The following CFAP43 variants were observed in gnomAD, a reference collection of about 807,000 sequenced individuals.
CFAP43 encodes cilia- and flagella-associated protein 43.
CFAP43 carries 155 observed loss-of-function variants against 218.9 expected under a neutral mutation model. That is an observed-to-expected ratio of 0.71 (90% CI 0.62 to 0.81). The LOEUF is 0.81. Among genes scored for constraint, CFAP43 ranks in the 30% least tolerant of loss-of-function variants. CFAP43 has a pLI of 0.00. For synonymous variants in CFAP43, 645 were observed against 681.3 expected, an observed-to-expected ratio of 0.95 and a Z score of 0.83; for missense variants, 1,778 against 1,954.3, an observed-to-expected ratio of 0.91 and a Z score of 1.70.
chr10:104,205,851 A>G, intron 7 of CFAP43, 112 bp downstream of exon 7: 1 of 865,138 alleles, frequency 1.2e-6, no homozygotes, highest in South Asian at 1.6e-5. Flanking sequence ...CATTTTAATT[A>G]ATAATGTGAC....
intron 5 of CFAP43, among the ~76,000 whole-genome samples, chr10:104,210,764 T>C (rs560487517): frequency 1.0e-4 from 15 of 149,704 alleles, no homozygotes; most frequent in African/African-American, 3.7e-4. Flanking sequence ...CACATGCAGG[T>C]CCTTCCACGT....
intron 8 of CFAP43, among the ~76,000 whole-genome samples, chr10:104,202,324 G>A (rs1289366803): frequency 6.6e-6 from 1 of 152,018 alleles, no homozygotes; most frequent in East Asian, 1.9e-4. Context: ...TCTGTCTTTG[G>A]TTTTCAACAG....
chr10:104,194,533 C>T (rs1254515333), intron 10 of CFAP43, among the ~76,000 whole-genome samples: 8 of 152,088 alleles, frequency 5.3e-5, no homozygotes, highest in African/African-American at 1.9e-4. Context: ...CCACACCTGG[C>T]TTTTTAAAAC....
chr10:104,195,203 G>A (rs997830884), intron 10 of CFAP43, among the ~76,000 whole-genome samples: 1 of 152,160 alleles, frequency 6.6e-6, no homozygotes, highest in African/African-American at 2.4e-5. Context: ...CACAGTCCCG[G>A]ACGCAGGCAG....
At chr10:104,168,551 ACACGGGGACTGAG>A in intron 21 of CFAP43, among the ~76,000 whole-genome samples, 180 bp downstream of exon 21, 1 of 152,244 alleles carries the variant, frequency 6.6e-6, no homozygotes, top group Middle Eastern at 3.2e-3. Context: ...GCTGGGAAGC[ACACGGGGACTGAG>A]CACAGAGGGA....
In CFAP43 at chr10:104,207,795, G is replaced by T. The variant is rs1182423722; in HGVS notation, c.765C>A (p.His255Gln). Reference sequence around the variant, plus strand: ...TTGGAGTCCAGCAATGCATAGTCGGGTGAAGCAAAGGATATAGATCATCTT... The same window carrying T: ...TTGGAGTCCAGCAATGCATAGTCGGTTGAAGCAAAGGATATAGATCATCTT... ...RPKDDLYPLL[H>Q]PTMHCWTPTS... The change falls in exon 6 of 38, where the codon CAC becomes CAA. Residue 255 changes from histidine to glutamine, a missense_variant. Around this residue, in one of 3 missense-constraint regions of CFAP43, gnomAD observed 1,553 missense variants for 1,685.2 expected, o/e 0.92. Transcript: ENST00000357060. 1.2e-6 allele frequency: 2 copies of T among 1,613,842 alleles called. No individual in the cohort carries two copies. Among genetic ancestry groups the T allele is most frequent in the Non-Finnish European group, 1.7e-6 (2 of 1,179,928 alleles).
chr10:104,216,541 C>T (rs945424852), intron 3 of CFAP43, among the ~76,000 whole-genome samples: 2 of 152,142 alleles, frequency 1.3e-5, no homozygotes, highest in African/African-American at 4.8e-5. Flanking sequence ...CTCCTGGGGA[C>T]AATCACGACA....
chr10:104,213,768 C>T (rs1022292126), intron 4 of CFAP43, among the ~76,000 whole-genome samples: 14 of 152,272 alleles, frequency 9.2e-5, no homozygotes, highest in Non-Finnish European at 2.1e-4. Flanking sequence ...ATCTCCTGAC[C>T]TCGTGATCCG....
At chr10:104,167,106 A>G (rs2089192829) in intron 22 of CFAP43, among the ~76,000 whole-genome samples, 2 of 152,242 alleles carry the variant, frequency 1.3e-5, no homozygotes, top group African/African-American at 2.4e-5. Flanking sequence ...CGAATTAAGC[A>G]TGCCTTCTTT....
intron 24 of CFAP43, 70 bp from the exon 25 acceptor site, chr10:104,162,473 T>C (rs557435377): frequency 5.2e-4 from 700 of 1,349,350 alleles, no homozygotes; most frequent in Non-Finnish European, 6.9e-4. Context: ...TTCCACATAC[T>C]GGGAGGAGGC....
chr10:104,232,344 C>G lies in CFAP43; in HGVS notation c.-98G>C. On this transcript the variant is annotated 5_prime_UTR_variant, in exon 1 of 38. Transcript: ENST00000357060. Reference sequence around the variant, plus strand: ...GCCGCGGGGCTGCGGGCCGCGACGCCGCTGCTGTGTACACCCGTATCCCGG... The same window carrying G: ...GCCGCGGGGCTGCGGGCCGCGACGCGGCTGCTGTGTACACCCGTATCCCGG... 1 of 1,263,918 alleles carries G rather than the reference C, an allele frequency of 7.9e-7. No individual in the cohort carries two copies. Among genetic ancestry groups the G allele is most frequent in the Non-Finnish European group, 1.1e-6 (1 of 941,200 alleles). 78.3% of individuals were successfully genotyped at this position (1,263,918 alleles called of 1,614,324 possible).
chr10:104,169,344 C>T (rs1175070150), intron 20 of CFAP43, among the ~76,000 whole-genome samples: 3 of 152,240 alleles, frequency 2.0e-5, no homozygotes, highest in African/African-American at 7.2e-5. Context: ...CAGTTTGTGA[C>T]CTCTGTCTGG....
At chr10:104,187,226 C>A in intron 14 of CFAP43, 94 bp downstream of exon 14, 1 of 1,018,900 alleles carries the variant, frequency 9.8e-7, no homozygotes, top group Non-Finnish European at 1.3e-6. Context: ...CTGAACTATT[C>A]TGTTAAAGTG....
chr10:104,164,619 T>C (rs572884487), intron 23 of CFAP43, among the ~76,000 whole-genome samples: 11 of 152,140 alleles, frequency 7.2e-5, no homozygotes, highest in Admixed American at 6.5e-4. Flanking sequence ...AGGATGGTCT[T>C]GATCTCCTGA....
At chr10:104,164,546 C>T (rs1564742640) in intron 23 of CFAP43, among the ~76,000 whole-genome samples, 2 of 151,988 alleles carry the variant, frequency 1.3e-5, no homozygotes, top group African/African-American at 2.4e-5. Context: ...TACAGGTGCC[C>T]GCTACCACGC....
Position 104,203,811 on chromosome 10 carries a change from T to G in CFAP43, c.964-8A>C, listed in dbSNP as rs764572214. On this transcript the variant is annotated splice_polypyrimidine_tract_variant and splice_region_variant and intron_variant, in intron 7 of 37. Coordinates refer to ENST00000357060, the MANE Select transcript of CFAP43 (RefSeq NM_025145.7). ...AGAATACACAAAGCCATCCTAGAGA[T>G]GAGTGAGATAAACATAGAAAATCAG... 3.1e-6 allele frequency: 5 copies of G among 1,591,574 alleles called. No individual in the cohort carries two copies. The African/African-American group carries it at 5.4e-5, about 17-fold the overall frequency.
Position 104,142,287 on chromosome 10 carries a change from A to C in CFAP43, c.4265T>G (p.Leu1422Arg). The change falls in exon 33 of 38, where the codon CTC becomes CGC. Residue 1422 changes from leucine (L) to arginine (R), a missense_variant. By Grantham distance (102) the Leu-to-Arg change is moderately radical. This residue lies in a region of CFAP43 where 1,553 missense variants were observed against 1,685.2 expected (regional missense o/e 0.92). Coordinates refer to ENST00000357060, the MANE Select transcript of CFAP43 (RefSeq NM_025145.7). The part of the protein sequence containing the change: ...QQEIERVFHE[L>R]ILLQEEKVRF... ...AAAGAAAGCTTCAAATTACAGGATGAGTTCATGGAACACTCTCTCAATCTC... is the reference window on the plus strand; with the variant it reads ...AAAGAAAGCTTCAAATTACAGGATGCGTTCATGGAACACTCTCTCAATCTC... 1 of 1,610,308 alleles carries C rather than the reference A, an allele frequency of 6.2e-7. No homozygotes were observed. The highest frequency in any genetic ancestry group is 1.3e-5 in the African/African-American group (1 of 74,828).
chr10:104,168,480 G>T (rs1277037526), intron 21 of CFAP43, among the ~76,000 whole-genome samples: 19 of 152,176 alleles, frequency 1.2e-4, no homozygotes, highest in Admixed American at 1.1e-3. Flanking sequence ...AGACCCAGAT[G>T]CAGTGGGTGC....
In CFAP43 at chr10:104,130,186, C is replaced by T. The variant is rs762420999; in HGVS notation, c.4951G>A (p.Val1651Ile). ...AATGTTTTCATTCTTAATCTTTCAA[C>T]TTCAGTCTGTAGTATTGAAATCTGT... ...AEQISILQTE[V>I]ERLRMKTFPA... The change falls in exon 38 of 38, where the codon GTT (valine) becomes ATT (isoleucine). Residue 1651 changes from valine (V) to isoleucine (I), a missense_variant. Val to Ile is a conservative substitution (Grantham distance 29). This residue lies in a region of CFAP43 where 211 missense variants were observed against 230.6 expected (regional missense o/e 0.91). Transcript: ENST00000357060. The T allele has an allele frequency of 1.2e-6, 2 of 1,607,676 alleles. No individual in the cohort carries two copies. The highest frequency in any genetic ancestry group is 1.7e-6 in the Non-Finnish European group (2 of 1,178,246).
Sources: gnomAD v4.1 joint callset for allele counts (sites outside exome capture counted in the v4.1 genomes callset) on GRCh38, gnomAD v4.1.1 for gene constraint, gnomAD v4.1.1 regional missense constraint, MANE v1.5 for transcripts, NCBI Gene and HGNC (gene_info 2026-07-23, HGNC 2026-07-21) for gene names.